AKR1E2: variants seen among roughly 807,000 people sequenced by gnomAD.
The protein encoded by AKR1E2 is 1,5-anhydro-D-fructose reductase.
A neutral mutation model predicts 41.9 loss-of-function variants in AKR1E2; 43 were observed. The ratio of observed to expected loss-of-function variants is 1.03; its 90% CI spans 0.80 to 1.32. AKR1E2 has a LOEUF of 1.32. Ranked by LOEUF, AKR1E2 falls within the 40% of genes most tolerant of loss-of-function variation. The pLI, the probability that AKR1E2 is intolerant of heterozygous loss-of-function variation, is 0.00. For synonymous variants in AKR1E2, 121 were observed against 138.9 expected (o/e 0.87, Z 0.91); for missense variants, 423 against 396.5 (o/e 1.07, Z -0.57).
At chr10:4,872,610 C>T in the AKR1E2 span, among the ~76,000 whole-genome samples, 9 of 152,280 alleles carry the variant, frequency 5.9e-5, no homozygotes, top group Admixed American at 2.6e-4. Context: ...CATCTCCACT[C>T]TCTGTTACCC....
chr10:4,830,256 A>G lies in AKR1E2; in HGVS notation c.40-419A>G, dbSNP rs140230886. The stretch of plus-strand genomic sequence containing the variant: ...TATACATTCATTTAGGTTTTGTTAT[A>G]TACTTCTTTTTGTATGGATACCTTC... On this transcript the variant is annotated intron_variant, in intron 1 of 9. Transcript: ENST00000298375. Among the ~76,000 whole-genome samples, 34 of 152,200 alleles carry G rather than the reference A, an allele frequency of 2.2e-4. 1 individual carries two copies. The East Asian group carries it at 5.8e-3, about 26-fold the overall frequency.
chr10:4,852,886 C>T (rs1240824900), downstream of AKR1E2, among the ~76,000 whole-genome samples: 2 of 152,142 alleles, frequency 1.3e-5, no homozygotes, highest in East Asian at 1.9e-4. Context: ...ACTTTTCCTT[C>T]TGTGTCCTCA....
At chr10:4,840,478 G>A (rs190387933) in intron 6 of AKR1E2, among the ~76,000 whole-genome samples, 158 of 152,314 alleles carry the variant, frequency 1.0e-3, no homozygotes, top group African/African-American at 3.6e-3. Flanking sequence ...ATTGCTCCCA[G>A]TGGGAGCTGA....
chr10:4,864,968 G>A, the AKR1E2 span, among the ~76,000 whole-genome samples: 2 of 152,200 alleles, frequency 1.3e-5, no homozygotes, highest in East Asian at 3.9e-4. Flanking sequence ...ACATATCTAT[G>A]TACCAAAATC....
Position 4,842,475 on chromosome 10 carries a change from A to AC in AKR1E2, c.812dup (p.Ser272LysfsTer4). The AC allele has an allele frequency of 6.2e-7, 1 of 1,614,080 alleles. No homozygotes were observed. The highest frequency in any genetic ancestry group is 8.5e-7 in the Non-Finnish European group (1 of 1,179,976). Reference sequence around the variant, plus strand: ...TGTGATAGTGATCCCCGGATCTATCACCCCAAGTCACATTAAAGAGAATAT... The same window carrying AC: ...TGTGATAGTGATCCCCGGATCTATCACCCCCAAGTCACATTAAAGAGAATAT... On this transcript the variant is annotated frameshift_variant, in exon 8 of 10. Coordinates refer to ENST00000298375, the MANE Select transcript of AKR1E2 (RefSeq NM_001040177.3). LOFTEE classifies it high-confidence loss of function.
At chr10:4,831,709 G>A (rs181897346) in intron 2 of AKR1E2, among the ~76,000 whole-genome samples, 1 of 152,300 alleles carries the variant, frequency 6.6e-6, no homozygotes, top group African/African-American at 2.4e-5. Context: ...ACCACACAAT[G>A]TCAGGTTGCA....
chr10:4,845,663 A>T, intron 8 of AKR1E2: 1 of 462,736 alleles, frequency 2.2e-6, no homozygotes, highest in South Asian at 1.6e-5. Context: ...ACATCGCCCC[A>T]GTTCTGCCCT....
chr10:4,833,166 A>C (rs1212914931), intron 2 of AKR1E2, among the ~76,000 whole-genome samples, 184 bp from the exon 3 acceptor site: 1 of 152,182 alleles, frequency 6.6e-6, no homozygotes, highest in East Asian at 1.9e-4. Context: ...CTCTCCCTGC[A>C]GGTGTCCTGG....
chr10:4,857,212 G>T, the AKR1E2 span, among the ~76,000 whole-genome samples: 5,036 of 152,248 alleles, frequency 0.033, 129 homozygotes, highest in East Asian at 0.064. Context: ...CCCTGATATG[G>T]TTTGGATCTG....
downstream of AKR1E2, among the ~76,000 whole-genome samples, chr10:4,852,295 A>G (rs929932404): frequency 6.6e-6 from 1 of 152,196 alleles, no homozygotes; most frequent in Non-Finnish European, 1.5e-5. Flanking sequence ...AAAAATCAGC[A>G]TCTCTAGGGG....
At chr10:4,832,126 C>A (rs982375664) in intron 2 of AKR1E2, among the ~76,000 whole-genome samples, 12 of 151,854 alleles carry the variant, frequency 7.9e-5, no homozygotes, top group Middle Eastern at 3.2e-3. Context: ...GAATGTAAGA[C>A]CATGAGATCA....
chr10:4,863,687 A>T, the AKR1E2 span, among the ~76,000 whole-genome samples: 1 of 152,058 alleles, frequency 6.6e-6, no homozygotes, highest in Admixed American at 6.6e-5. Context: ...TTTTTTGAAA[A>T]GATCAACAAA....
rs61745201 is a variant in AKR1E2 at position 4,830,738 on chromosome 10, G to A, written c.103G>A (p.Asp35Asn). ...CATTGACGCAGGGTACCGGCACTTC[G>A]ACTGTGCTTACTTTTACCACAATGA... is the stretch of plus-strand genomic sequence containing the variant. ...EAIDAGYRHF[D>N]CAYFYHNERE... is the part of the protein sequence containing the mutation. Residue 35 changes from aspartate (D) to asparagine (N), a missense_variant, in exon 2 of 10, where the codon GAC (aspartate) becomes AAC (asparagine). Transcript: ENST00000298375. 101,553 of 1,613,988 alleles carry A rather than the reference G, an allele frequency of 0.063. 3,594 individuals carry two copies. Among genetic ancestry groups the A allele is most frequent in the Non-Finnish European group, 0.071 (84,189 of 1,179,972 alleles).
At position 4,847,533 on chromosome 10, in the gene AKR1E2, A is replaced by G. The variant is rs1490733235; in HGVS notation, c.*3A>G. On this transcript the variant is annotated 3_prime_UTR_variant, in exon 10 of 10. Transcript: ENST00000298375. ...ATCCTTTCCACATAGAATACTGAGGACGCTTCCCCTTCCTTGTTTCTGCTC... is the reference window on the plus strand; with the variant it reads ...ATCCTTTCCACATAGAATACTGAGGGCGCTTCCCCTTCCTTGTTTCTGCTC... 6.2e-7 allele frequency: 1 copy of G among 1,613,274 alleles called. No individual in the cohort carries two copies. Among genetic ancestry groups the G allele is most frequent in the Admixed American group, 1.7e-5 (1 of 59,914 alleles).
intron 7 of AKR1E2, 129 bp downstream of exon 7, chr10:4,841,986 C>T: frequency 1.4e-6 from 1 of 729,034 alleles, no homozygotes. Flanking sequence ...CTCATTAGAA[C>T]CTCCCAGCGT....
chr10:4,845,785 A>G lies in AKR1E2; in HGVS notation c.838-1363A>G, dbSNP rs1379176293. On this transcript the variant is annotated intron_variant, in intron 8 of 9. Coordinates refer to ENST00000298375, the MANE Select transcript of AKR1E2 (RefSeq NM_001040177.3). Reference sequence around the variant, plus strand: ...CCCCCATTCCTCTGTTAGGTCTGCTACACACTGAGGGGAAATGCCATCCTC... The same window carrying G: ...CCCCCATTCCTCTGTTAGGTCTGCTGCACACTGAGGGGAAATGCCATCCTC... 4 of 471,052 alleles carry G rather than the reference A, an allele frequency of 8.5e-6. No homozygotes were observed. In the Admixed American group the frequency reaches 9.4e-5, roughly 11 times the overall value. The allele number at this position is 471,052 out of a possible 1,614,324, so 29.2% of individuals were successfully genotyped here.
At chr10:4,861,821 T>C in the AKR1E2 span, among the ~76,000 whole-genome samples, 1 of 152,234 alleles carries the variant, frequency 6.6e-6, no homozygotes, top group African/African-American at 2.4e-5. Flanking sequence ...TTGTAGATTC[T>C]GGATATTAGC....
chr10:4,866,939 C>T, the AKR1E2 span, among the ~76,000 whole-genome samples: 2 of 152,160 alleles, frequency 1.3e-5, no homozygotes, highest in South Asian at 2.1e-4. Context: ...AATACCCAGG[C>T]ACTTAGGAGC....
At chr10:4,864,388 AG>A in the AKR1E2 span, among the ~76,000 whole-genome samples, 440 of 152,328 alleles carry the variant, frequency 2.9e-3, no homozygotes, top group African/African-American at 9.9e-3. Flanking sequence ...GATGCAGAAA[AG>A]GCCTTTGACA....
Sources: gnomAD v4.1 joint callset for allele counts (sites outside exome capture counted in the v4.1 genomes callset) on GRCh38, gnomAD v4.1.1 for gene constraint, MANE v1.5 for transcripts, NCBI Gene and HGNC (gene_info 2026-07-23, HGNC 2026-07-21) for gene names.